The following DMTN variants were observed in gnomAD, a reference collection of about 807,000 sequenced individuals.
DMTN encodes dematin actin binding protein.
A neutral mutation model predicts 59.4 loss-of-function variants in DMTN; 27 were observed. That is an observed-to-expected ratio of 0.45 (90% CI 0.33 to 0.63). The LOEUF (loss-of-function observed/expected upper bound fraction) is 0.63, where lower values mean the gene tolerates loss of function less well. Among genes scored for constraint, DMTN ranks in the 20% least tolerant of loss-of-function variants. The probability of loss-of-function intolerance (pLI) is 0.02; values close to 1 mark genes in which losing one functional copy is unlikely to be tolerated. For missense variants in DMTN, 451 were observed against 528.9 expected (o/e 0.85, Z 1.45); for synonymous variants, 221 against 203.7 (o/e 1.08, Z -0.72).
At position 22,066,813 on chromosome 8, in the gene DMTN, C is replaced by A; in HGVS notation, c.-63C>A. On this transcript the variant is annotated 5_prime_UTR_variant, in exon 2 of 16. Coordinates refer to ENST00000358242, the MANE Select transcript of DMTN (RefSeq NM_001387751.1). Reference sequence around the variant, plus strand: ...CCCAGCAGCCGCGCCGAGCCTGACACGCTGTCCTCTCCCCTCGCGCACAGG... The same window carrying A: ...CCCAGCAGCCGCGCCGAGCCTGACAAGCTGTCCTCTCCCCTCGCGCACAGG... 5.6e-6 allele frequency: 8 copies of A among 1,419,418 alleles called. No homozygotes were observed. Among genetic ancestry groups the A allele is most frequent in the Non-Finnish European group, 6.5e-6 (7 of 1,083,902 alleles). The allele number at this position is 1,419,418 out of a possible 1,614,324, so 87.9% of individuals were successfully genotyped here. A position where few individuals can be genotyped will look rare whatever the true frequency, so the allele number is the denominator to read the frequency against.
At chr8:22,049,968 T>A (rs1038092747), upstream of DMTN, among the ~76,000 whole-genome samples, 1 of 151,774 alleles carries the variant, frequency 6.6e-6, no homozygotes, top group Non-Finnish European at 1.5e-5. Context: ...CGGCGCAGAG[T>A]CTGACACCCC....
Position 22,081,116 on chromosome 8 carries a change from T to C in DMTN, c.1027T>C (p.Tyr343His). 1.1e-6 allele frequency: 1 copy of C among 894,692 alleles called. No homozygotes were observed. Among genetic ancestry groups the C allele is most frequent in the Non-Finnish European group, 1.7e-6 (1 of 591,122 alleles). 55.4% of individuals were successfully genotyped at this position (894,692 alleles called of 1,614,324 possible). A position where few individuals can be genotyped will look rare whatever the true frequency, so the allele number is the denominator to read the frequency against. Residue 343 changes from tyrosine to histidine, a missense_variant, in exon 15 of 16, where the codon TAT becomes CAT. Coordinates refer to ENST00000358242, the MANE Select transcript of DMTN (RefSeq NM_001387751.1). ...SLPCVLEQKI[Y>H]PYEMLVVTNK... ...TTGCCCCTCCCCCCACCCCCAGATC[T>C]ATCCCTATGAAATGCTAGTGGTGAC...
At chr8:22,064,156 G>C (rs1808647662) in intron 1 of DMTN, among the ~76,000 whole-genome samples, 1 of 151,656 alleles carries the variant, frequency 6.6e-6, no homozygotes, top group South Asian at 2.1e-4. Flanking sequence ...ATAGAAGGAT[G>C]GATGGATGGA....
chr8:22,068,814 C>A (rs574881704), intron 4 of DMTN, among the ~76,000 whole-genome samples: 3 of 152,088 alleles, frequency 2.0e-5, no homozygotes, highest in Non-Finnish European at 2.9e-5. Flanking sequence ...GCAAGGCTCG[C>A]GTGCTTCTCT....
chr8:22,052,049 G>A (rs150712413), upstream of DMTN, among the ~76,000 whole-genome samples: 288 of 152,036 alleles, frequency 1.9e-3, no homozygotes, highest in African/African-American at 4.9e-3. Flanking sequence ...GCCACCTGGC[G>A]TGTCCTGCTC....
intron 1 of DMTN, among the ~76,000 whole-genome samples, chr8:22,066,053 A>C (rs1350821975): frequency 1.3e-5 from 2 of 152,018 alleles, no homozygotes; most frequent in Non-Finnish European, 2.9e-5. Flanking sequence ...TATGTTGTCC[A>C]TCCTAGTCTC....
Position 22,070,111 on chromosome 8 carries a change from G to A in DMTN, c.452-71G>A, listed in dbSNP as rs957060881. ...CCTGCAGGACCTCACAGGTGTGAGG[G>A]GGGAGGGGTGAAGGTAGCCAAGTTG... On this transcript the variant is annotated intron_variant, in intron 7 of 15. Coordinates refer to ENST00000358242, the MANE Select transcript of DMTN (RefSeq NM_001387751.1). 11 of 1,552,856 alleles carry A rather than the reference G, an allele frequency of 7.1e-6. No homozygotes were observed. The African/African-American group carries it at 1.1e-4, about 15-fold the overall frequency.
rs146615047 is a variant in DMTN at position 22,069,501 on chromosome 8, C to T, written c.377C>T (p.Pro126Leu). The change falls in exon 6 of 16, where the codon CCC becomes CTC. Residue 126 changes from proline to leucine, a missense_variant. Physicochemically the swap from Pro to Leu is moderately conservative, Grantham distance 98. Coordinates refer to ENST00000358242, the MANE Select transcript of DMTN (RefSeq NM_001387751.1). ...ACTGGAACCCCCCGGACCAGCCTGC[C>T]CCATTTCCACCACCCTGGTAGGTCT... ...RTTGTPRTSL[P>L]HFHHPETSRP... The T allele has an allele frequency of 1.0e-5, 16 of 1,601,440 alleles. No individual in the cohort carries two copies. Among genetic ancestry groups the T allele is most frequent in the Non-Finnish European group, 1.2e-5 (14 of 1,174,788 alleles).
In DMTN at chr8:22,081,163, G is replaced by A. The variant is rs765525630; in HGVS notation, c.1074G>A (p.Leu358=). The change falls in exon 15 of 16, where the codon CTG becomes CTA. Residue 358 remains leucine, a synonymous_variant. Transcript: ENST00000358242. ...TGACCAACAAGGGGCGAACCAAGCT[G>A]CCACCGGGGGTGGATCGGATGCGGC... ...LVVTNKGRTK[L]PPGVDRMRLE... is the part of the protein sequence containing the mutation. 5 of 1,612,520 alleles carry A rather than the reference G, an allele frequency of 3.1e-6. No individual in the cohort carries two copies. The highest frequency in any genetic ancestry group is 4.2e-6 in the Non-Finnish European group (5 of 1,179,728).
chr8:22,070,701 T>G (rs953994047), intron 8 of DMTN, among the ~76,000 whole-genome samples: 1 of 152,200 alleles, frequency 6.6e-6, no homozygotes, highest in African/African-American at 2.4e-5. Context: ...TTTTATCCAT[T>G]TATGGGGTAC....
chr8:22,071,875 C>T (rs78028293), intron 8 of DMTN, among the ~76,000 whole-genome samples: 1,650 of 152,134 alleles, frequency 0.011, 28 homozygotes, highest in East Asian at 0.08. Flanking sequence ...TCCCCGCGCC[C>T]GGCCTATTTT....
In DMTN at chr8:22,060,712, G is replaced by A. The variant is rs936911335; in HGVS notation, c.-172+3576G>A. Among the ~76,000 whole-genome samples, 3 of 152,252 alleles carry A rather than the reference G, an allele frequency of 2.0e-5. No homozygotes were observed. Among genetic ancestry groups the A allele is most frequent in the African/African-American group, 4.8e-5 (2 of 41,474 alleles). ...AGGAAGCAGACCCAGATGCTAAAGCGCAAGACCCAGCAGTGGGGTTGTGGG... is the reference window on the plus strand; with the variant it reads ...AGGAAGCAGACCCAGATGCTAAAGCACAAGACCCAGCAGTGGGGTTGTGGG... On this transcript the variant is annotated intron_variant, in intron 1 of 15. Coordinates refer to ENST00000358242, the MANE Select transcript of DMTN (RefSeq NM_001387751.1). This position sits in a 1 kb window ranked among gnomAD's most constrained non-coding sequence, Gnocchi z 5.0.
At chr8:22,073,151 C>T (rs748790499) in intron 9 of DMTN, among the ~76,000 whole-genome samples, 29 of 152,136 alleles carry the variant, frequency 1.9e-4, no homozygotes, top group Non-Finnish European at 2.9e-4. Flanking sequence ...AGGGAGGCCG[C>T]CGTGGTAGAG....
upstream of DMTN, among the ~76,000 whole-genome samples, chr8:22,049,893 G>A (rs1032486825): frequency 6.6e-6 from 1 of 152,168 alleles, no homozygotes; most frequent in Admixed American, 6.5e-5. Flanking sequence ...AGGAAGTGGG[G>A]AAGGGCCCTC....
upstream of DMTN, among the ~76,000 whole-genome samples, chr8:22,051,190 G>A (rs1801320079): frequency 6.6e-6 from 1 of 152,178 alleles, no homozygotes; most frequent in African/African-American, 2.4e-5. Flanking sequence ...GATGTGACCA[G>A]GTGGAGGGAG....
rs375736600 is a variant in DMTN, at chr8:22,081,573, C to G, written c.*110C>G. On this transcript the variant is annotated 3_prime_UTR_variant, in exon 16 of 16. Transcript: ENST00000358242. Reference sequence around the variant, plus strand: ...GGTGGAAATAGGGTGGGCTCCTTTCCTCAGGTAGAGTGGGGGGCCAAAACC... The same window carrying G: ...GGTGGAAATAGGGTGGGCTCCTTTCGTCAGGTAGAGTGGGGGGCCAAAACC... 1.1e-6 allele frequency: 1 copy of G among 929,626 alleles called. No homozygotes were observed. Among genetic ancestry groups the G allele is most frequent in the Admixed American group, 2.0e-5 (1 of 49,014 alleles). The allele number at this position is 929,626 out of a possible 1,614,324, so 57.6% of individuals were successfully genotyped here. A position where few individuals can be genotyped will look rare whatever the true frequency, so the allele number is the denominator to read the frequency against.
chr8:22,076,496 T>G (rs1819879978), intron 10 of DMTN, among the ~76,000 whole-genome samples: 1 of 151,756 alleles, frequency 6.6e-6, no homozygotes, highest in Non-Finnish European at 1.5e-5. Flanking sequence ...TCTCAGCTAG[T>G]TGGGTGGCTA....
chr8:22,072,759 G>A (rs542815097), intron 9 of DMTN, among the ~76,000 whole-genome samples: 1 of 152,060 alleles, frequency 6.6e-6, no homozygotes, highest in Admixed American at 6.6e-5. Flanking sequence ...ACAGGCGTGA[G>A]CCACTATGCC....
chr8:22,080,700 G>T (rs907882574), intron 13 of DMTN, 75 bp downstream of exon 13: 3 of 1,582,454 alleles, frequency 1.9e-6, no homozygotes, highest in African/African-American at 1.3e-5. Context: ...CAGGGGAAGG[G>T]GGGTGTGGGG....
Sources: gnomAD v4.1 joint callset for allele counts (sites outside exome capture counted in the v4.1 genomes callset) on GRCh38, gnomAD v4.1.1 for gene constraint, Gnocchi (gnomAD v3.1) non-coding constraint, MANE v1.5 for transcripts, NCBI Gene and HGNC (gene_info 2026-07-23, HGNC 2026-07-21) for gene names.